The following WWOX variants were observed in gnomAD, a reference collection of about 807,000 sequenced individuals.
WWOX encodes the protein WW domain containing oxidoreductase.
A neutral mutation model predicts 46.2 loss-of-function variants in WWOX; 69 were observed. The ratio of observed to expected loss-of-function variants is 1.49; its 90% CI spans 1.23 to 1.82. WWOX has a LOEUF of 1.82. Ranked by LOEUF, WWOX falls within the 40% of genes most tolerant of loss-of-function variation. The pLI is 0.00. For missense variants in WWOX, 919 were observed against 542.6 expected, an observed-to-expected ratio of 1.69 and a Z score of -6.89; for synonymous variants, 359 against 202.6, an observed-to-expected ratio of 1.77 and a Z score of -6.56.
At chr16:78,976,901 G>A (rs2046583716) in intron 8 of WWOX, among the ~76,000 whole-genome samples, 1 of 152,162 alleles carries the variant, frequency 6.6e-6, no homozygotes. Flanking sequence ...CACCTCCCAT[G>A]CCCTTTTCTT....
At chr16:78,798,577 G>A (rs890044579) in intron 8 of WWOX, among the ~76,000 whole-genome samples, 6 of 135,382 alleles carry the variant, frequency 4.4e-5, no homozygotes, top group African/African-American at 1.3e-4. Context: ...TCCCCCCAAG[G>A]TAGTTGTTGT....
intron 8 of WWOX, among the ~76,000 whole-genome samples, chr16:78,637,427 G>C (rs189385341): frequency 1.4e-4 from 21 of 147,792 alleles, no homozygotes; most frequent in African/African-American, 5.1e-4. Context: ...GGCAACAAGA[G>C]TGAAACTCTG....
At chr16:78,662,849 C>T (rs895245386) in intron 8 of WWOX, among the ~76,000 whole-genome samples, 4 of 152,094 alleles carry the variant, frequency 2.6e-5, no homozygotes, top group African/African-American at 9.7e-5. Context: ...GCTGTTGCCA[C>T]ATGGGCCTCT....
At chr16:78,990,895 G>A (rs993046103) in intron 8 of WWOX, among the ~76,000 whole-genome samples, 5 of 152,210 alleles carry the variant, frequency 3.3e-5, no homozygotes, top group African/African-American at 7.2e-5. Flanking sequence ...AACACAGCAT[G>A]AGTGATTTTT....
intron 8 of WWOX, among the ~76,000 whole-genome samples, chr16:79,019,025 C>G (rs946557649): frequency 1.4e-4 from 21 of 151,508 alleles, no homozygotes; most frequent in Non-Finnish European, 1.0e-4. Flanking sequence ...GGCATGGTGG[C>G]TCATGCCTGT....
intron 1 of WWOX, among the ~76,000 whole-genome samples, chr16:78,101,129 C>A (rs1233489689): frequency 6.6e-6 from 1 of 151,440 alleles, no homozygotes; most frequent in Non-Finnish European, 1.5e-5. Context: ...CTCACTGCAG[C>A]CTCCGCCTCC....
At chr16:78,323,530 T>C (rs1017294205) in intron 5 of WWOX, among the ~76,000 whole-genome samples, 1 of 152,150 alleles carries the variant, frequency 6.6e-6, no homozygotes, top group African/African-American at 2.4e-5. Context: ...TTTAAACTAA[T>C]AGGTTACTGG....
At chr16:78,207,227 A>G (rs1414913726) in intron 5 of WWOX, among the ~76,000 whole-genome samples, 1 of 152,144 alleles carries the variant, frequency 6.6e-6, no homozygotes, top group African/African-American at 2.4e-5. Flanking sequence ...AGATGCCACA[A>G]ATTATTTTGT....
chr16:78,813,033 T>A (rs1375449224), intron 8 of WWOX, among the ~76,000 whole-genome samples: 2 of 152,044 alleles, frequency 1.3e-5, no homozygotes, highest in Non-Finnish European at 2.9e-5. Flanking sequence ...CCATGTAATT[T>A]CTTATTTCCG....
intron 3 of WWOX, among the ~76,000 whole-genome samples, chr16:78,114,610 T>C (rs1035162061): frequency 1.3e-5 from 2 of 152,152 alleles, no homozygotes; most frequent in African/African-American, 4.8e-5. Context: ...AGAGATTTAA[T>C]TGAAATCTAC....
chr16:78,982,484 A>G (rs1395154274), intron 8 of WWOX, among the ~76,000 whole-genome samples: 1 of 152,220 alleles, frequency 6.6e-6, no homozygotes, highest in African/African-American at 2.4e-5. Flanking sequence ...GACTTGTGTT[A>G]GTTCATTTTC....
intron 8 of WWOX, among the ~76,000 whole-genome samples, chr16:78,672,179 C>A (rs138534601): frequency 2.6e-5 from 4 of 152,074 alleles, no homozygotes; most frequent in Non-Finnish European, 5.9e-5. Flanking sequence ...TAATTAAATC[C>A]ATGACCAGAA....
At chr16:78,520,613 A>C (rs2043327380) in intron 8 of WWOX, among the ~76,000 whole-genome samples, 1 of 151,012 alleles carries the variant, frequency 6.6e-6, no homozygotes, top group Admixed American at 6.6e-5. Context: ...CTCACTCTAG[A>C]CTGGGAGTGG....
intron 8 of WWOX, among the ~76,000 whole-genome samples, chr16:78,841,779 A>C (rs984538667): frequency 6.6e-6 from 1 of 152,084 alleles, no homozygotes; most frequent in Non-Finnish European, 1.5e-5. Context: ...TGTTTTCTTT[A>C]AAAAAAATTT....
At chr16:78,955,203 A>G (rs756160773) in intron 8 of WWOX, among the ~76,000 whole-genome samples, 1 of 152,216 alleles carries the variant, frequency 6.6e-6, no homozygotes, top group Non-Finnish European at 1.5e-5. Flanking sequence ...GATCAGGGCC[A>G]TATGCTAGAG....
intron 8 of WWOX, among the ~76,000 whole-genome samples, chr16:78,942,760 G>C: frequency 6.6e-6 from 1 of 152,170 alleles, no homozygotes; most frequent in East Asian, 1.9e-4. Flanking sequence ...ACATCATTGT[G>C]CAGGCAAACA....
intron 8 of WWOX, among the ~76,000 whole-genome samples, chr16:78,932,049 C>A (rs1264320364): frequency 1.3e-5 from 2 of 152,212 alleles, no homozygotes; most frequent in Non-Finnish European, 2.9e-5. Flanking sequence ...ACTTTCCCAG[C>A]CATGTGGAAC....
At chr16:78,183,325 C>T (rs1195690375) in intron 5 of WWOX, among the ~76,000 whole-genome samples, 4 of 152,154 alleles carry the variant, frequency 2.6e-5, no homozygotes, top group African/African-American at 4.8e-5. Flanking sequence ...CAAGAATATT[C>T]GGGCAAGAGC....
intron 8 of WWOX, among the ~76,000 whole-genome samples, chr16:78,779,521 G>A (rs775620383): frequency 6.6e-6 from 1 of 152,086 alleles, no homozygotes; most frequent in African/African-American, 2.4e-5. Flanking sequence ...ATTATTAGTT[G>A]CTCACTCTGT....
Sources: gnomAD v4.1 joint callset for allele counts (sites outside exome capture counted in the v4.1 genomes callset) on GRCh38, gnomAD v4.1.1 for gene constraint, MANE v1.5 for transcripts, NCBI Gene and HGNC (gene_info 2026-07-23, HGNC 2026-07-21) for gene names.